LINGO2: variants seen among roughly 807,000 people sequenced by gnomAD.
The protein encoded by LINGO2 is leucine rich repeat and Ig domain containing 2.
In LINGO2, 14 loss-of-function variants were observed where a neutral mutation model predicts 30.6. That is an observed-to-expected ratio of 0.46 (90% CI 0.30 to 0.72). LINGO2 has a LOEUF of 0.72. Ranked by LOEUF, LINGO2 falls within the 30% of genes least tolerant of loss-of-function variation. The pLI is 0.07. For synonymous variants in LINGO2, 317 were observed against 288.5 expected (o/e 1.10, Z -1.00); for missense variants, 729 against 751.7 (o/e 0.97, Z 0.35).
At chr9:29,131,798 A>C in the LINGO2 span, among the ~76,000 whole-genome samples, 2 of 151,892 alleles carry the variant, frequency 1.3e-5, no homozygotes, top group Admixed American at 1.3e-4. Context: ...GTTTTCATGG[A>C]AACTATCCCT....
the LINGO2 span, among the ~76,000 whole-genome samples, chr9:28,756,844 T>C: frequency 1.3e-5 from 2 of 151,970 alleles, no homozygotes; most frequent in Non-Finnish European, 2.9e-5. Context: ...CATATGGAAC[T>C]GTGAGTCAAT....
intron 4 of LINGO2, among the ~76,000 whole-genome samples, chr9:28,218,071 G>A (rs191913982): frequency 6.7e-6 from 1 of 150,274 alleles, no homozygotes; most frequent in Admixed American, 6.7e-5. Context: ...TGTAGATGTA[G>A]ATTTGAAGAC....
chr9:29,069,730 G>T, the LINGO2 span, among the ~76,000 whole-genome samples: 3 of 152,090 alleles, frequency 2.0e-5, no homozygotes, highest in Admixed American at 2.0e-4. Flanking sequence ...AATAGAGTTT[G>T]GTTCAAAAAC....
the LINGO2 span, among the ~76,000 whole-genome samples, chr9:29,019,984 C>G: frequency 9.9e-5 from 15 of 151,934 alleles, no homozygotes; most frequent in African/African-American, 3.1e-4. Context: ...TTTCAGCAAC[C>G]TATATAAAAG....
the LINGO2 span, among the ~76,000 whole-genome samples, chr9:28,700,252 T>A: frequency 6.6e-6 from 1 of 151,992 alleles, no homozygotes. Flanking sequence ...GAGCCTACAT[T>A]GAAATACTGG....
At chr9:29,206,868 T>C in the LINGO2 span, among the ~76,000 whole-genome samples, 1 of 152,152 alleles carries the variant, frequency 6.6e-6, no homozygotes, top group Non-Finnish European at 1.5e-5. Flanking sequence ...GATGTGAATT[T>C]AACTAATCGA....
At chr9:28,325,759 G>C (rs886762932) in intron 3 of LINGO2, among the ~76,000 whole-genome samples, 1 of 152,022 alleles carries the variant, frequency 6.6e-6, no homozygotes, top group Non-Finnish European at 1.5e-5. Flanking sequence ...ACCCAGTCTC[G>C]GGTATGCCTT....
the LINGO2 span, among the ~76,000 whole-genome samples, chr9:28,924,294 C>T: frequency 1.3e-5 from 2 of 152,102 alleles, no homozygotes; most frequent in Non-Finnish European, 2.9e-5. Flanking sequence ...AATCTCAGCT[C>T]ACTGTTCAAT....
At chr9:28,467,144 G>A (rs1290340209) in intron 2 of LINGO2, among the ~76,000 whole-genome samples, 2 of 151,848 alleles carry the variant, frequency 1.3e-5, no homozygotes, top group Non-Finnish European at 2.9e-5. Flanking sequence ...TCCTGCCTCA[G>A]CCTCCCGAGT....
At chr9:28,025,136 G>A (rs181454907) in intron 4 of LINGO2, among the ~76,000 whole-genome samples, 13 of 152,156 alleles carry the variant, frequency 8.5e-5, no homozygotes, top group Admixed American at 4.6e-4. Flanking sequence ...GCTGAGAAAC[G>A]CAGGTCACTG....
the LINGO2 span, among the ~76,000 whole-genome samples, chr9:28,700,757 C>T: frequency 1.3e-5 from 2 of 152,048 alleles, no homozygotes; most frequent in Admixed American, 6.6e-5. Flanking sequence ...TACCACTTTT[C>T]ATGTCCACCA....
chr9:29,152,174 G>A, the LINGO2 span, among the ~76,000 whole-genome samples: 1 of 152,062 alleles, frequency 6.6e-6, no homozygotes, highest in Non-Finnish European at 1.5e-5. Flanking sequence ...ATAGATGCTG[G>A]CAAGGCTGCA....
intron 2 of LINGO2, among the ~76,000 whole-genome samples, chr9:28,410,758 T>C (rs1822728761): frequency 6.6e-6 from 1 of 152,286 alleles, no homozygotes; most frequent in East Asian, 1.9e-4. Flanking sequence ...TTCTATTGCA[T>C]CATTAGTTTT....
the LINGO2 span, among the ~76,000 whole-genome samples, chr9:28,775,255 T>A: frequency 6.6e-6 from 1 of 152,156 alleles, no homozygotes; most frequent in African/African-American, 2.4e-5. Flanking sequence ...TTTCTAAAGC[T>A]GCTCCCTACA....
At chr9:28,009,466 TATAA>T (rs1485544686) in intron 5 of LINGO2, among the ~76,000 whole-genome samples, 3 of 151,912 alleles carry the variant, frequency 2.0e-5, no homozygotes, top group African/African-American at 7.2e-5. Context: ...ATTTGTAAAT[TATAA>T]ATATATAATA....
chr9:28,081,016 G>C (rs2133217837), intron 4 of LINGO2: 1 of 152,318 alleles, frequency 6.6e-6, no homozygotes, highest in Non-Finnish European at 1.5e-5. Flanking sequence ...ATTAATTAAA[G>C]TTTAGAACTT....
rs773878822 is a variant in LINGO2, at chr9:28,587,979, C to T, written c.-365+82221G>A. Among the ~76,000 whole-genome samples, 8 of 152,050 alleles carry T rather than the reference C, an allele frequency of 5.3e-5. No homozygotes were observed. The South Asian group carries it at 1.0e-3, about 20-fold the overall frequency. On this transcript the variant is annotated intron_variant, in intron 1 of 5. Transcript: ENST00000379992. ...GCTGTAGTAGGCACTGGGCTGGCCA[C>T]GTATCCATGGACCAGGGATATCTAA...
intron 1 of LINGO2, among the ~76,000 whole-genome samples, chr9:28,523,122 T>C (rs1820886765): frequency 6.6e-6 from 1 of 151,646 alleles, no homozygotes; most frequent in Non-Finnish European, 1.5e-5. Flanking sequence ...TAAAAATAAA[T>C]TCAATAAATT....
At chr9:28,817,823 T>C in the LINGO2 span, among the ~76,000 whole-genome samples, 1 of 152,224 alleles carries the variant, frequency 6.6e-6, no homozygotes. Flanking sequence ...AGGAAATGAA[T>C]ACACTTTGAC....
Sources: gnomAD v4.1 joint callset for allele counts (sites outside exome capture counted in the v4.1 genomes callset) on GRCh38, gnomAD v4.1.1 for gene constraint, MANE v1.5 for transcripts, NCBI Gene and HGNC (gene_info 2026-07-23, HGNC 2026-07-21) for gene names.